PRRC2C: variants seen among roughly 807,000 people sequenced by gnomAD.
The protein encoded by PRRC2C is proline rich coiled-coil 2C.
A neutral mutation model predicts 317.2 loss-of-function variants in PRRC2C; 72 were observed. That is an observed-to-expected ratio of 0.23 (90% CI 0.19 to 0.28). The LOEUF is 0.28. Ranked by LOEUF, PRRC2C falls within the 10% of genes least tolerant of loss-of-function variation. The pLI, the probability that PRRC2C is intolerant of heterozygous loss-of-function variation, is 1.00. For synonymous variants in PRRC2C, 1,296 were observed against 1,205.9 expected (o/e 1.07, Z -1.55); for missense variants, 3,074 against 3,459.7 (o/e 0.89, Z 2.80).
intron 23 of PRRC2C, among the ~76,000 whole-genome samples, chr1:171,570,064 A>G (rs1572065982): frequency 1.3e-5 from 2 of 152,278 alleles, no homozygotes; most frequent in South Asian, 4.1e-4. Context: ...CAGTGTAGCC[A>G]GGGTATGTTT....
chr1:171,512,899 G>T, intron 2 of PRRC2C, 96 bp from the exon 3 acceptor site: 3 of 1,064,598 alleles, frequency 2.8e-6, no homozygotes, highest in Non-Finnish European at 2.6e-6. Context: ...ATCATTCAGG[G>T]ATTGCATTAA....
chr1:171,530,310 C>G (rs1370124617), intron 11 of PRRC2C, among the ~76,000 whole-genome samples: 1 of 121,684 alleles, frequency 8.2e-6, no homozygotes, highest in Non-Finnish European at 1.6e-5. Flanking sequence ...GGAGCAAGAT[C>G]TCAGCTCATT....
intron 6 of PRRC2C, among the ~76,000 whole-genome samples, chr1:171,519,180 G>A (rs1355067315): frequency 5.9e-5 from 9 of 152,132 alleles, no homozygotes; most frequent in Middle Eastern, 3.4e-3. Flanking sequence ...CACCATGCCC[G>A]CTCTTTTCCT....
chr1:171,525,531 G>A (rs1032484201), intron 10 of PRRC2C, among the ~76,000 whole-genome samples: 1 of 152,138 alleles, frequency 6.6e-6, no homozygotes, highest in Non-Finnish European at 1.5e-5. Flanking sequence ...TCTTTATTAA[G>A]GAATCAGTAT....
chr1:171,591,886 G>GCCCCCCCC lies in PRRC2C; in HGVS notation c.*39_*40insCCCCCCCC. 4.0e-5 allele frequency: 19 copies of GCCCCCCCC among 475,502 alleles called. No homozygotes were observed. Among genetic ancestry groups the GCCCCCCCC allele is most frequent in the Non-Finnish European group, 6.0e-5 (16 of 266,744 alleles). The allele number at this position is 475,502 out of a possible 1,614,324, so 29.5% of individuals were successfully genotyped here. ...TTGCAGGGGATTGGGAGGGGGGCGG[G>GCCCCCCCC]AAAACATGGAGAATTAAGTCAGATA... is the stretch of plus-strand genomic sequence containing the variant. On this transcript the variant is annotated 3_prime_UTR_variant, in exon 35 of 35. Transcript: ENST00000647382.
At chr1:171,512,223 T>TA in intron 2 of PRRC2C, 23 bp downstream of exon 2, 1 of 1,453,842 alleles carries the variant, frequency 6.9e-7, no homozygotes, top group Non-Finnish European at 9.5e-7. Context: ...AAGTGACACT[T>TA]ATGTTTTTCA....
Position 171,540,861 on chromosome 1 carries a change from C to T in PRRC2C, c.3395C>T (p.Pro1132Leu), listed in dbSNP as rs1455144108. Residue 1132 changes from proline (P) to leucine (L), a missense_variant, in exon 16 of 35, where the codon CCA (proline) becomes CTA (leucine). By Grantham distance (98) the Pro-to-Leu change is moderately conservative. Transcript: ENST00000647382. The part of the protein sequence containing the change: ...KTVNQQTMAA[P>L]VVKEEKQPEK... ...GTAAACCAACAGACTATGGCAGCAC[C>T]AGTAGTCAAAGAAGAAAAACAACCT... The T allele has an allele frequency of 1.9e-6, 3 of 1,613,606 alleles. No homozygotes were observed. The South Asian group carries it at 3.3e-5, about 18-fold the overall frequency.
chr1:171,541,752 G>A lies in PRRC2C; in HGVS notation c.4286G>A (p.Arg1429Gln), dbSNP rs756467309. The A allele has an allele frequency of 8.1e-6, 13 of 1,613,740 alleles. No individual in the cohort carries two copies. In the East Asian group the frequency reaches 2.5e-4, roughly 30 times the overall value. Residue 1429 changes from arginine (R) to glutamine (Q), a missense_variant, in exon 16 of 35, where the codon CGA becomes CAA. Around this residue, in one of 11 missense-constraint regions of PRRC2C, gnomAD observed 1,320 missense variants for 1,395.7 expected, o/e 0.95. Coordinates refer to ENST00000647382, the MANE Select transcript of PRRC2C (RefSeq NM_001387844.1). The surrounding 1 kb of genome is among the most constrained non-coding windows in gnomAD (Gnocchi z 4.1). ...RERPRRQRPT[R>Q]PPRQDKPPRF... ...AGGCCTCGAAGGCAGCGTCCTACTC[G>A]ACCACCAAGGCAAGACAAGCCACCT...
chr1:171,515,803 A>C lies in PRRC2C; in HGVS notation c.470A>C (p.Lys157Thr). Residue 157 changes from lysine (K) to threonine (T), a missense_variant, in exon 5 of 35, where the codon AAA (lysine) becomes ACA (threonine). This residue lies in a region of PRRC2C where 237 missense variants were observed against 199.5 expected (regional missense o/e 1.19). Transcript: ENST00000647382. ...SLQAAGDQEK[K>T]EKETNDDNYG... ...CAGGCAGCTGGGGATCAGGAAAAAA[A>C]AGAAAAGGAAACAAATGATGACAAC... The C allele has an allele frequency of 6.2e-7, 1 of 1,612,946 alleles. No homozygotes were observed. The highest frequency in any genetic ancestry group is 8.5e-7 in the Non-Finnish European group (1 of 1,179,272).
intron 9 of PRRC2C, among the ~76,000 whole-genome samples, chr1:171,524,194 C>T (rs1390236988): frequency 1.3e-5 from 2 of 152,040 alleles, no homozygotes; most frequent in African/African-American, 4.8e-5. Flanking sequence ...TTCAGGTCCT[C>T]GATTTCTTAA....
intron 19 of PRRC2C, among the ~76,000 whole-genome samples, chr1:171,560,140 C>T (rs1202741950): frequency 6.6e-6 from 1 of 152,192 alleles, no homozygotes; most frequent in East Asian, 1.9e-4. Flanking sequence ...AAAGGATTTA[C>T]CATTCTAGAC....
At chr1:171,493,160 C>T (rs920352652) in intron 1 of PRRC2C, among the ~76,000 whole-genome samples, 6 of 151,956 alleles carry the variant, frequency 3.9e-5, no homozygotes, top group Non-Finnish European at 4.4e-5. Flanking sequence ...GCCAATGATA[C>T]GGAGGGATGT....
intron 19 of PRRC2C, among the ~76,000 whole-genome samples, chr1:171,558,886 A>G (rs1038945034): frequency 3.9e-5 from 6 of 152,368 alleles, no homozygotes; most frequent in Non-Finnish European, 7.3e-5. Context: ...AGATAGGTCA[A>G]AAGTTAAGTG....
chr1:171,585,850 G>A (rs545116862), intron 30 of PRRC2C, among the ~76,000 whole-genome samples: 4 of 152,096 alleles, frequency 2.6e-5, no homozygotes, highest in Admixed American at 1.3e-4. Context: ...GAAATGTCTC[G>A]GATTTCAGAT....
At chr1:171,536,340 T>G in intron 14 of PRRC2C, 62 bp downstream of exon 14, 3 of 1,521,418 alleles carry the variant, frequency 2.0e-6, no homozygotes, top group Non-Finnish European at 2.7e-6. Flanking sequence ...TGCTTTTAGT[T>G]TCAGTTCCTT....
chr1:171,550,441 T>C (rs554460609), intron 18 of PRRC2C, among the ~76,000 whole-genome samples: 2 of 149,938 alleles, frequency 1.3e-5, no homozygotes, highest in South Asian at 2.1e-4. Context: ...TAGCTCCTTA[T>C]ATTTTGACTT....
rs1228601749 is a variant in PRRC2C at position 171,485,703 on chromosome 1, C to T, written c.-90C>T. 1 of 152,408 alleles carries T rather than the reference C, an allele frequency of 6.6e-6. No homozygotes were observed. The highest frequency in any genetic ancestry group is 1.5e-5 in the Non-Finnish European group (1 of 68,098). The allele number at this position is 152,408 out of a possible 1,614,324, so 9.4% of individuals were successfully genotyped here. ...TCGATCAGAGATCGGCGGAGACCCT[C>T]GAAGTGCGCAAACTTGACACTCACC... On this transcript the variant is annotated 5_prime_UTR_variant, in exon 1 of 35. Coordinates refer to ENST00000647382, the MANE Select transcript of PRRC2C (RefSeq NM_001387844.1).
chr1:171,571,499 T>G lies in PRRC2C; in HGVS notation c.6753+78T>G, dbSNP rs1021406748. On this transcript the variant is annotated intron_variant, in intron 24 of 34. Transcript: ENST00000647382. Reference sequence around the variant, plus strand: ...ATAAGTTAACAATATTCGTGGGGTATTTTTACTAGATTTATGTGGTAAGCA... The same window carrying G: ...ATAAGTTAACAATATTCGTGGGGTAGTTTTACTAGATTTATGTGGTAAGCA... 9 of 1,056,124 alleles carry G rather than the reference T, an allele frequency of 8.5e-6. No homozygotes were observed. The Admixed American group carries it at 9.6e-5, about 11-fold the overall frequency. The allele number at this position is 1,056,124 out of a possible 1,614,324, so 65.4% of individuals were successfully genotyped here. A position where few individuals can be genotyped will look rare whatever the true frequency, so the allele number is the denominator to read the frequency against.
rs748220713 is a variant in PRRC2C at position 171,568,303 on chromosome 1, T to C, written c.6615T>C (p.Thr2205=). The C allele has an allele frequency of 1.2e-6, 2 of 1,609,062 alleles. No homozygotes were observed. The highest frequency in any genetic ancestry group is 1.7e-5 in the Admixed American group (1 of 59,476). ...PSSSLPNTVA[T]NNTKMEDTLV... The stretch of plus-strand genomic sequence containing the variant: ...CTTCTTTGCCTAACACCGTGGCTAC[T>C]AATAATACAAAGATGGAGGATACTT... Residue 2205 remains threonine, a synonymous_variant, in exon 23 of 35, where the codon ACT becomes ACC. Coordinates refer to ENST00000647382, the MANE Select transcript of PRRC2C (RefSeq NM_001387844.1).
Sources: allele counts gnomAD v4.1 joint callset (sites outside exome capture counted in the v4.1 genomes callset), GRCh38; gene constraint gnomAD v4.1.1; regional missense constraint gnomAD v4.1.1; non-coding constraint Gnocchi (gnomAD v3.1); transcripts MANE v1.5; gene names NCBI Gene and HGNC (gene_info 2026-07-23, HGNC 2026-07-21).